The following COLGALT2 variants were observed in gnomAD, a reference collection of about 807,000 sequenced individuals.
The protein encoded by COLGALT2 is procollagen galactosyltransferase 2.
Under a neutral mutation model 73.4 loss-of-function variants are expected in COLGALT2, and 49 were observed. The ratio of observed to expected loss-of-function variants is 0.67; its 90% confidence interval spans 0.53 to 0.85. COLGALT2 has a LOEUF of 0.85. COLGALT2 is among the 40% of genes least tolerant of loss of function. The pLI is 0.00. For synonymous variants in COLGALT2, 295 were observed against 307.6 expected (o/e 0.96, Z 0.43); for missense variants, 722 against 790.2 (o/e 0.91, Z 1.03).
At position 184,013,765 on chromosome 1, in the gene COLGALT2, G is replaced by A. The variant is rs61824809; in HGVS notation, c.263+23330C>T. Among the ~76,000 whole-genome samples the A allele has an allele frequency of 8.9e-3, 1,358 of 152,118 alleles. 12 individuals carry two copies. Among genetic ancestry groups the A allele is most frequent in the Non-Finnish European group, 0.014 (963 of 68,002 alleles). On this transcript the variant is annotated intron_variant, in intron 1 of 11. Coordinates refer to ENST00000361927, the MANE Select transcript of COLGALT2 (RefSeq NM_015101.4). Reference sequence around the variant, plus strand: ...TGGTGGGAGGGGGGGTAAAACAGAGGGGCAGAGCAATCCATTAGGAAATGG... The same window carrying A: ...TGGTGGGAGGGGGGGTAAAACAGAGAGGCAGAGCAATCCATTAGGAAATGG...
intron 8 of COLGALT2, 93 bp downstream of exon 8, chr1:183,950,914 A>C (rs1429541663): frequency 1.1e-6 from 1 of 880,480 alleles, no homozygotes; most frequent in East Asian, 2.4e-5. Context: ...ATGACCGAAG[A>C]GACTTAGAGC....
chr1:183,982,289 C>G (rs1215410620), intron 1 of COLGALT2, among the ~76,000 whole-genome samples: 1 of 152,070 alleles, frequency 6.6e-6, no homozygotes, highest in Non-Finnish European at 1.5e-5. Context: ...GAAAGTGGTC[C>G]AGAAAGCAAC....
At chr1:183,979,790 G>A (rs1433868857) in intron 1 of COLGALT2, among the ~76,000 whole-genome samples, 1 of 152,056 alleles carries the variant, frequency 6.6e-6, no homozygotes, top group African/African-American at 2.4e-5. Flanking sequence ...GGGGAAACAA[G>A]TAAGTATATA....
intron 1 of COLGALT2, among the ~76,000 whole-genome samples, chr1:183,996,913 A>T (rs555988765): frequency 6.6e-6 from 1 of 152,306 alleles, no homozygotes; most frequent in Non-Finnish European, 1.5e-5. Context: ...GCTTTTTTAC[A>T]TTTTTGAGCT....
At chr1:183,982,450 C>T (rs772252206) in intron 1 of COLGALT2, among the ~76,000 whole-genome samples, 11 of 152,112 alleles carry the variant, frequency 7.2e-5, no homozygotes, top group Non-Finnish European at 1.6e-4. Flanking sequence ...CCACTGGTCT[C>T]GTGATAGGAA....
In COLGALT2 at chr1:183,937,076, G is replaced by A. The variant is rs1669974557; in HGVS notation, c.*1685C>T. 4.1e-6 allele frequency: 5 copies of A among 1,231,356 alleles called. No individual in the cohort carries two copies. The highest frequency in any genetic ancestry group is 8.4e-5 in the Admixed American group (2 of 23,700). 76.3% of individuals were successfully genotyped at this position (1,231,356 alleles called of 1,614,324 possible). On this transcript the variant is annotated 3_prime_UTR_variant, in exon 12 of 12. Coordinates refer to ENST00000361927, the MANE Select transcript of COLGALT2 (RefSeq NM_015101.4). Reference sequence around the variant, plus strand: ...AGTATCACATGGGCAGTGAACTGAAGAATTAGGTGTCTGGCTTAAAGTGTA... The same window carrying A: ...AGTATCACATGGGCAGTGAACTGAAAAATTAGGTGTCTGGCTTAAAGTGTA...
chr1:184,035,865 T>C (rs973680516), intron 1 of COLGALT2, among the ~76,000 whole-genome samples: 1 of 152,218 alleles, frequency 6.6e-6, no homozygotes, highest in African/African-American at 2.4e-5. Flanking sequence ...GGCGGTCACG[T>C]ATGGCAGGGT....
chr1:183,981,167 CA>C (rs1671338731), intron 1 of COLGALT2, among the ~76,000 whole-genome samples: 1 of 152,054 alleles, frequency 6.6e-6, no homozygotes, highest in Non-Finnish European at 1.5e-5. Flanking sequence ...TCCCATGGAA[CA>C]AACCTGCACA....
rs976208073 is a variant in COLGALT2, at chr1:183,935,845, T to C, written c.*2916A>G. 1 of 982,126 alleles carries C rather than the reference T, an allele frequency of 1.0e-6. No individual in the cohort carries two copies. Among genetic ancestry groups the C allele is most frequent in the Non-Finnish European group, 1.2e-6 (1 of 827,374 alleles). 60.8% of individuals were successfully genotyped at this position (982,126 alleles called of 1,614,324 possible). ...TTGACAATCATATCTTTGAGCTAAG[T>C]TTTTTTTTAATTTTTCACAAAGAGC... On this transcript the variant is annotated 3_prime_UTR_variant, in exon 12 of 12. Transcript: ENST00000361927.
At chr1:183,972,287 T>G (rs1671058986) in intron 4 of COLGALT2, among the ~76,000 whole-genome samples, 1 of 152,170 alleles carries the variant, frequency 6.6e-6, no homozygotes, top group Non-Finnish European at 1.5e-5. Context: ...TTTTGATTTG[T>G]TGTAGAGATG....
intron 1 of COLGALT2, among the ~76,000 whole-genome samples, chr1:184,026,262 A>G (rs74132773): frequency 0.033 from 5,017 of 152,164 alleles, 263 homozygotes; most frequent in African/African-American, 0.11. Flanking sequence ...GGTGATTGTT[A>G]TTTTCTTGGT....
chr1:183,937,858 C>A lies in COLGALT2; in HGVS notation c.*903G>T. ...TTAGCAGTGACTCACAGAACTCACACCTGCGGTGGGTTCCCAGGCTAAGGG... is the reference window on the plus strand; with the variant it reads ...TTAGCAGTGACTCACAGAACTCACAACTGCGGTGGGTTCCCAGGCTAAGGG... On this transcript the variant is annotated 3_prime_UTR_variant, in exon 12 of 12. Coordinates refer to ENST00000361927, the MANE Select transcript of COLGALT2 (RefSeq NM_015101.4). 8 of 985,470 alleles carry A rather than the reference C, an allele frequency of 8.1e-6. No individual in the cohort carries two copies. Among genetic ancestry groups the A allele is most frequent in the Non-Finnish European group, 9.6e-6 (8 of 829,946 alleles). 61.0% of individuals were successfully genotyped at this position (985,470 alleles called of 1,614,324 possible).
intron 1 of COLGALT2, among the ~76,000 whole-genome samples, chr1:183,989,214 G>C (rs1032822836): frequency 2.0e-5 from 3 of 152,216 alleles, no homozygotes; most frequent in Admixed American, 6.5e-5. Flanking sequence ...GCCCAGGAAT[G>C]CGTGGGCAGT....
intron 6 of COLGALT2, among the ~76,000 whole-genome samples, chr1:183,955,471 T>C (rs996531224): frequency 9.9e-5 from 15 of 152,208 alleles, no homozygotes; most frequent in African/African-American, 3.4e-4. Context: ...AAAAGGTCCA[T>C]TGCTTTAACA....
chr1:184,009,499 T>C (rs191410956), intron 1 of COLGALT2, among the ~76,000 whole-genome samples: 191 of 152,352 alleles, frequency 1.3e-3, no homozygotes, highest in African/African-American at 4.3e-3. Flanking sequence ...CTTCAGATTA[T>C]GTCTACTTAT....
In COLGALT2 at chr1:183,973,771, TG is replaced by T. The variant is rs1426908072; in HGVS notation, c.493-22del. 1.9e-6 allele frequency: 3 copies of T among 1,610,614 alleles called. No individual in the cohort carries two copies. The African/African-American group carries it at 4.0e-5, about 22-fold the overall frequency. On this transcript the variant is annotated intron_variant, in intron 3 of 11. Transcript: ENST00000361927. ...ATGAACTAGGAAAAGAAAAGGATAA[TG>T]TTAGGTGAAAAGGTACTTTTCAGTA...
intron 1 of COLGALT2, among the ~76,000 whole-genome samples, chr1:184,020,128 A>G (rs187887841): frequency 1.2e-3 from 176 of 152,288 alleles, no homozygotes; most frequent in African/African-American, 4.1e-3. Context: ...ATTTTTTCAT[A>G]TATACTGCCC....
At chr1:184,017,191 C>T (rs1358928321) in intron 1 of COLGALT2, among the ~76,000 whole-genome samples, 1 of 152,154 alleles carries the variant, frequency 6.6e-6, no homozygotes, top group African/African-American at 2.4e-5. Context: ...CACAGCAATC[C>T]TGATATCTTC....
intron 3 of COLGALT2, among the ~76,000 whole-genome samples, chr1:183,974,856 G>C (rs1398547722): frequency 6.6e-6 from 1 of 152,182 alleles, no homozygotes; most frequent in Non-Finnish European, 1.5e-5. Flanking sequence ...GCATGGCAGA[G>C]ACCAAATAAT....
Sources: gnomAD v4.1 joint callset for allele counts (sites outside exome capture counted in the v4.1 genomes callset) on GRCh38, gnomAD v4.1.1 for gene constraint, MANE v1.5 for transcripts, NCBI Gene and HGNC (gene_info 2026-07-23, HGNC 2026-07-21) for gene names.